The following EFNA5 variants were observed in gnomAD, a reference collection of about 807,000 sequenced individuals.
EFNA5 encodes the protein ephrin A5.
A neutral mutation model predicts 22.9 loss-of-function variants in EFNA5; 5 were observed. The observed-to-expected ratio is 0.22, with a 90% confidence interval of 0.11 to 0.46. The LOEUF is 0.46. Ranked by LOEUF, EFNA5 falls within the 20% of genes least tolerant of loss-of-function variation. EFNA5 has a pLI of 0.99. For missense variants in EFNA5, 237 were observed against 293.3 expected (o/e 0.81, Z 1.40); for synonymous variants, 113 against 112.2 (o/e 1.01, Z -0.04).
intron 1 of EFNA5, among the ~76,000 whole-genome samples, chr5:107,606,811 T>A (rs2112517100): frequency 6.6e-6 from 1 of 152,330 alleles, no homozygotes; most frequent in African/African-American, 2.4e-5. Context: ...TGATATCCTT[T>A]AAATACAGAC....
chr5:107,466,438 C>G (rs1032133325), intron 1 of EFNA5, among the ~76,000 whole-genome samples: 1 of 152,122 alleles, frequency 6.6e-6, no homozygotes, highest in Admixed American at 6.6e-5. Flanking sequence ...ACTCCCTTCT[C>G]CACTCCCACA....
chr5:107,413,080 C>A (rs1427423288), intron 2 of EFNA5, among the ~76,000 whole-genome samples: 4 of 152,164 alleles, frequency 2.6e-5, no homozygotes, highest in African/African-American at 9.7e-5. Flanking sequence ...AGCACTTCAA[C>A]TCATTTACAC....
At chr5:107,482,510 T>C (rs1235475106) in intron 1 of EFNA5, among the ~76,000 whole-genome samples, 1 of 152,074 alleles carries the variant, frequency 6.6e-6, no homozygotes, top group Non-Finnish European at 1.5e-5. Flanking sequence ...TCACCTATTC[T>C]CAGATAAGAC....
chr5:107,521,625 A>T (rs1747602076), intron 1 of EFNA5, among the ~76,000 whole-genome samples: 1 of 151,662 alleles, frequency 6.6e-6, no homozygotes, highest in East Asian at 1.9e-4. Flanking sequence ...TACCCTAGTG[A>T]TTGCGCGGCT....
intron 1 of EFNA5, among the ~76,000 whole-genome samples, chr5:107,587,695 T>C (rs968597337): frequency 5.3e-5 from 8 of 152,154 alleles, no homozygotes; most frequent in African/African-American, 1.9e-4. Context: ...TTTTTTGTAT[T>C]TTTAGTAGAG....
intron 1 of EFNA5, among the ~76,000 whole-genome samples, chr5:107,516,902 T>C (rs1051183034): frequency 6.6e-6 from 1 of 152,178 alleles, no homozygotes; most frequent in Non-Finnish European, 1.5e-5. Context: ...AGAACACATA[T>C]TGTATGATTC....
At chr5:107,479,283 T>C in intron 1 of EFNA5, among the ~76,000 whole-genome samples, 1 of 151,958 alleles carries the variant, frequency 6.6e-6, no homozygotes, top group South Asian at 2.1e-4. Context: ...CAGGGGTAAA[T>C]ATGTAAGCAA....
intron 1 of EFNA5, among the ~76,000 whole-genome samples, chr5:107,456,806 G>A (rs965407921): frequency 4.6e-5 from 7 of 152,172 alleles, no homozygotes; most frequent in Non-Finnish European, 7.4e-5. Flanking sequence ...GAAGAAATTT[G>A]GGGAAGGAAA....
chr5:107,432,957 A>G (rs866398633), intron 1 of EFNA5, among the ~76,000 whole-genome samples: 18 of 152,264 alleles, frequency 1.2e-4, no homozygotes, highest in African/African-American at 4.3e-4. Context: ...AAGAGTAAAT[A>G]TATTTTCTCT....
intron 1 of EFNA5, among the ~76,000 whole-genome samples, chr5:107,455,728 G>T (rs1749682548): frequency 6.6e-6 from 1 of 152,098 alleles, no homozygotes; most frequent in Admixed American, 6.6e-5. Flanking sequence ...CAGACATGAG[G>T]CACCCAGAAT....
chr5:107,639,600 G>A (rs1201622493), intron 1 of EFNA5, among the ~76,000 whole-genome samples: 2 of 152,152 alleles, frequency 1.3e-5, no homozygotes, highest in Non-Finnish European at 2.9e-5. Flanking sequence ...AGGCTATTGT[G>A]CAGACTATAA....
chr5:107,396,488 C>T (rs1747930198), intron 2 of EFNA5, among the ~76,000 whole-genome samples: 1 of 152,184 alleles, frequency 6.6e-6, no homozygotes, highest in Non-Finnish European at 1.5e-5. Context: ...GGGGCCTCTG[C>T]ATGGGGATAT....
At chr5:107,516,978 G>A (rs185878035) in intron 1 of EFNA5, among the ~76,000 whole-genome samples, 227 of 152,210 alleles carry the variant, frequency 1.5e-3, no homozygotes, top group Middle Eastern at 0.01. Context: ...AGGCTATCTA[G>A]GGCTGGGGGT....
At chr5:107,526,285 C>T (rs891776365) in intron 1 of EFNA5, among the ~76,000 whole-genome samples, 8 of 152,212 alleles carry the variant, frequency 5.3e-5, no homozygotes, top group Non-Finnish European at 8.8e-5. Context: ...CTAGAAGACT[C>T]AAAGACTTCA....
At chr5:107,438,369 A>G (rs1197862309) in intron 1 of EFNA5, among the ~76,000 whole-genome samples, 1 of 152,026 alleles carries the variant, frequency 6.6e-6, no homozygotes, top group Non-Finnish European at 1.5e-5. Context: ...CTTCACAAAC[A>G]TCCTGCAATC....
chr5:107,645,481 T>C (rs1281426760), intron 1 of EFNA5, among the ~76,000 whole-genome samples: 1 of 152,250 alleles, frequency 6.6e-6, no homozygotes, highest in East Asian at 1.9e-4. Context: ...TTGGTATGTA[T>C]AAGAGTGTTT....
intron 1 of EFNA5, among the ~76,000 whole-genome samples, chr5:107,569,785 G>A (rs1748756086): frequency 6.8e-6 from 1 of 146,394 alleles, no homozygotes; most frequent in Admixed American, 6.9e-5. Flanking sequence ...CTGGGAGGGG[G>A]AGGCTGCAGT....
intron 1 of EFNA5, among the ~76,000 whole-genome samples, chr5:107,613,473 G>A (rs1434503327): frequency 6.6e-6 from 1 of 151,948 alleles, no homozygotes; most frequent in Non-Finnish European, 1.5e-5. Flanking sequence ...ATGCTTGGAT[G>A]GCATAGAATG....
intron 2 of EFNA5, among the ~76,000 whole-genome samples, chr5:107,403,016 C>T (rs1748124285): frequency 6.6e-6 from 1 of 152,146 alleles, no homozygotes; most frequent in Non-Finnish European, 1.5e-5. Flanking sequence ...ATGAACTTGC[C>T]AACAAATGGC....
Sources: allele counts gnomAD v4.1 joint callset (sites outside exome capture counted in the v4.1 genomes callset), GRCh38; gene constraint gnomAD v4.1.1; transcripts MANE v1.5; gene names NCBI Gene and HGNC (gene_info 2026-07-23, HGNC 2026-07-21).